HSD17B12: variants seen among roughly 807,000 people sequenced by gnomAD.
The protein encoded by HSD17B12 is very-long-chain 3-oxoacyl-CoA reductase.
In HSD17B12, 32 loss-of-function variants were observed where a neutral mutation model predicts 39.3. The ratio of observed to expected loss-of-function variants is 0.81; its 90% CI spans 0.61 to 1.09. HSD17B12 has a LOEUF of 1.09. Ranked by LOEUF, HSD17B12 falls within the 50% of genes least tolerant of loss-of-function variation. The pLI is 0.00. For missense variants in HSD17B12, 342 were observed against 382.9 expected, an observed-to-expected ratio of 0.89 and a Z score of 0.89; for synonymous variants, 150 against 146.7, an observed-to-expected ratio of 1.02 and a Z score of -0.16.
the HSD17B12 span, among the ~76,000 whole-genome samples, chr11:43,629,597 A>G: frequency 1.5e-4 from 23 of 152,216 alleles, no homozygotes; most frequent in African/African-American, 5.5e-4. Flanking sequence ...TGTCTGGTGA[A>G]GTTCTCCTCA....
intron 1 of HSD17B12, among the ~76,000 whole-genome samples, chr11:43,706,934 C>T (rs991271243): frequency 6.6e-6 from 1 of 152,030 alleles, no homozygotes; most frequent in African/African-American, 2.4e-5. Flanking sequence ...TTTTATGCCT[C>T]TTTTTCTATT....
At chr11:43,703,731 A>T (rs1261390835) in intron 1 of HSD17B12, among the ~76,000 whole-genome samples, 1 of 151,944 alleles carries the variant, frequency 6.6e-6, no homozygotes, top group African/African-American at 2.4e-5. Context: ...GCCACTTATG[A>T]TTCTTAGAAT....
At chr11:43,853,819 TATC>T (rs77774512) in intron 9 of HSD17B12, 52,761 of 151,564 alleles carry the variant, frequency 0.35, 9,544 homozygotes, top group Admixed American at 0.44. Flanking sequence ...AAAAAAGAAG[TATC>T]ATTGCAGTGA....
chr11:43,670,858 C>T, the HSD17B12 span, among the ~76,000 whole-genome samples: 1 of 152,162 alleles, frequency 6.6e-6, no homozygotes, highest in East Asian at 1.9e-4. Context: ...GCACTCCAGC[C>T]TGGGTGACAG....
chr11:43,761,802 A>G (rs1338084617), intron 3 of HSD17B12, among the ~76,000 whole-genome samples: 4 of 152,178 alleles, frequency 2.6e-5, no homozygotes, highest in African/African-American at 9.7e-5. Context: ...GAACATTCCA[A>G]GAGAACCAGG....
chr11:43,657,295 C>T, the HSD17B12 span, among the ~76,000 whole-genome samples: 1 of 152,142 alleles, frequency 6.6e-6, no homozygotes, highest in Non-Finnish European at 1.5e-5. Flanking sequence ...CTATGTGTGT[C>T]TCTGCACGTG....
chr11:43,831,156 A>C lies in HSD17B12; in HGVS notation c.536+146A>C. The C allele has an allele frequency of 1.6e-6, 1 of 624,976 alleles. No homozygotes were observed. The highest frequency in any genetic ancestry group is 2.7e-6 in the Non-Finnish European group (1 of 369,938). The allele number at this position is 624,976 out of a possible 1,614,324, so 38.7% of individuals were successfully genotyped here. On this transcript the variant is annotated intron_variant, in intron 7 of 10. Coordinates refer to ENST00000278353, the MANE Select transcript of HSD17B12 (RefSeq NM_016142.3). The surrounding 1 kb of genome is among the most constrained non-coding windows in gnomAD (Gnocchi z 4.1). ...CACAGAGTGATGTACCAGGCGAGTC[A>C]CAGTAGAGCATGAGTCATCGGTGGT...
rs1419678394 is a variant in HSD17B12, at chr11:43,765,169, C to T, written c.283+11048C>T. Among the ~76,000 whole-genome samples, 3 of 151,186 alleles carry T rather than the reference C, an allele frequency of 2.0e-5. No homozygotes were observed. The East Asian group carries it at 5.8e-4, about 29-fold the overall frequency. ...TTTCAATCAGGAATCTTTTATTTCC[C>T]TTTTCCCCTGTCTGAAGGTCTTCCT... On this transcript the variant is annotated intron_variant, in intron 3 of 10. Coordinates refer to ENST00000278353, the MANE Select transcript of HSD17B12 (RefSeq NM_016142.3).
chr11:43,625,731 T>C, the HSD17B12 span, among the ~76,000 whole-genome samples: 1 of 151,304 alleles, frequency 6.6e-6, no homozygotes, highest in South Asian at 2.1e-4. Context: ...GTCAGCTTAC[T>C]CTTGATATCT....
chr11:43,718,787 A>AG, intron 1 of HSD17B12: 1 of 1,034,022 alleles, frequency 9.7e-7, no homozygotes, highest in Non-Finnish European at 1.5e-6. Flanking sequence ...CCACAAAAAA[A>AG]AGAAGACCCG....
the HSD17B12 span, among the ~76,000 whole-genome samples, chr11:43,562,570 T>G: frequency 6.6e-6 from 1 of 152,342 alleles, no homozygotes; most frequent in Non-Finnish European, 1.5e-5. Flanking sequence ...TTATTTTAGC[T>G]ATTATACCTC....
the HSD17B12 span, among the ~76,000 whole-genome samples, chr11:43,649,496 A>T: frequency 1.3e-5 from 2 of 152,184 alleles, no homozygotes; most frequent in African/African-American, 4.8e-5. Context: ...AAAAGATTTG[A>T]GGTATGTACT....
intron 3 of HSD17B12, among the ~76,000 whole-genome samples, chr11:43,770,125 A>G (rs1469855996): frequency 6.6e-6 from 1 of 152,230 alleles, no homozygotes; most frequent in African/African-American, 2.4e-5. Context: ...ACTTGTTCCC[A>G]TAGCATTCCT....
chr11:43,663,039 AT>A, the HSD17B12 span, among the ~76,000 whole-genome samples: 12 of 151,990 alleles, frequency 7.9e-5, no homozygotes, highest in Admixed American at 3.3e-4. Context: ...AAGTAATTAG[AT>A]TTAAAAAAAA....
At chr11:43,569,045 T>C in the HSD17B12 span, among the ~76,000 whole-genome samples, 1 of 152,166 alleles carries the variant, frequency 6.6e-6, no homozygotes, top group African/African-American at 2.4e-5. Flanking sequence ...GCCATAAATA[T>C]TTCACCTCAC....
intron 6 of HSD17B12, among the ~76,000 whole-genome samples, chr11:43,819,720 C>T (rs1372267160): frequency 6.6e-6 from 1 of 152,178 alleles, no homozygotes; most frequent in Non-Finnish European, 1.5e-5. Context: ...TAAACACTTG[C>T]ATGCCATATT....
rs1951304959 is a variant in HSD17B12 at position 43,831,064 on chromosome 11, A to G, written c.536+54A>G. The G allele has an allele frequency of 2.7e-6, 4 of 1,501,906 alleles. No homozygotes were observed. Among genetic ancestry groups the G allele is most frequent in the Non-Finnish European group, 3.6e-6 (4 of 1,097,708 alleles). 93.0% of individuals were successfully genotyped at this position (1,501,906 alleles called of 1,614,324 possible). A position where few individuals can be genotyped will look rare whatever the true frequency, so the allele number is the denominator to read the frequency against. On this transcript the variant is annotated intron_variant, in intron 7 of 10. Coordinates refer to ENST00000278353, the MANE Select transcript of HSD17B12 (RefSeq NM_016142.3). The surrounding 1 kb of genome is among the most constrained non-coding windows in gnomAD (Gnocchi z 4.1). ...GTGGAAGCAGAGCTCATGATTATTT[A>G]GAGGGAGAATCCTTGCTTTGAAAAA...
At chr11:43,836,754 A>G (rs1186569545) in intron 7 of HSD17B12, among the ~76,000 whole-genome samples, 1 of 152,158 alleles carries the variant, frequency 6.6e-6, no homozygotes. Context: ...AATATAGATA[A>G]AATGAAAGGA....
chr11:43,806,218 T>G (rs567666698), intron 4 of HSD17B12: 2 of 152,310 alleles, frequency 1.3e-5, no homozygotes, highest in African/African-American at 4.8e-5. Context: ...TTTAACTTGA[T>G]CTCCAATCCT....
Sources: gnomAD v4.1 joint callset for allele counts (sites outside exome capture counted in the v4.1 genomes callset) on GRCh38, gnomAD v4.1.1 for gene constraint, Gnocchi (gnomAD v3.1) non-coding constraint, MANE v1.5 for transcripts, NCBI Gene and HGNC (gene_info 2026-07-23, HGNC 2026-07-21) for gene names.